CSMD1: variants seen among roughly 807,000 people sequenced by gnomAD.
CSMD1 encodes CUB and Sushi multiple domains 1, also known as CUB and sushi domain-containing protein 1.
A neutral mutation model predicts 417.5 loss-of-function variants in CSMD1; 213 were observed. That is an observed-to-expected ratio of 0.51 (90% CI 0.46 to 0.57). The LOEUF (loss-of-function observed/expected upper bound fraction) is 0.57, where lower values mean the gene tolerates loss of function less well. Ranked by LOEUF, CSMD1 falls within the 20% of genes least tolerant of loss-of-function variation. The pLI, the probability that CSMD1 is intolerant of heterozygous loss-of-function variation, is 0.00. For missense variants in CSMD1, 6,923 were observed against 4,529.7 expected (o/e 1.53, Z -15.17); for synonymous variants, 2,862 against 1,736.8 (o/e 1.65, Z -16.11).
chr8:4,017,014 T>G (rs752659574), intron 4 of CSMD1, among the ~76,000 whole-genome samples: 2 of 152,172 alleles, frequency 1.3e-5, no homozygotes, highest in African/African-American at 2.4e-5. Context: ...TAGAAGACTT[T>G]CAGAAGGAAG....
At chr8:3,492,856 T>C (rs1174216323) in intron 11 of CSMD1, among the ~76,000 whole-genome samples, 2 of 151,562 alleles carry the variant, frequency 1.3e-5, no homozygotes, top group East Asian at 2.0e-4. Context: ...TCTGTTACTT[T>C]ATTACGCAGT....
intron 5 of CSMD1, among the ~76,000 whole-genome samples, chr8:3,810,916 C>T (rs762787983): frequency 7.2e-5 from 11 of 152,154 alleles, no homozygotes; most frequent in Non-Finnish European, 1.5e-4. Flanking sequence ...AGTGCTTCCT[C>T]ATTCAGCCCT....
At chr8:3,332,652 T>C (rs1428283064) in intron 23 of CSMD1, among the ~76,000 whole-genome samples, 1 of 152,230 alleles carries the variant, frequency 6.6e-6, no homozygotes, top group Non-Finnish European at 1.5e-5. Flanking sequence ...ACTTTATGTC[T>C]TCAAGTGTGT....
At chr8:4,689,768 A>G (rs543201007) in intron 1 of CSMD1, among the ~76,000 whole-genome samples, 2 of 152,276 alleles carry the variant, frequency 1.3e-5, no homozygotes, top group South Asian at 4.1e-4. Flanking sequence ...TTCTATTAAA[A>G]TGATGGTGGT....
chr8:3,745,062 T>C (rs907489435), intron 6 of CSMD1, among the ~76,000 whole-genome samples: 12 of 152,290 alleles, frequency 7.9e-5, no homozygotes, highest in African/African-American at 2.6e-4. Flanking sequence ...TTCAACATGT[T>C]AACAACCATT....
intron 3 of CSMD1, among the ~76,000 whole-genome samples, chr8:4,176,236 C>A (rs749394600): frequency 2.6e-5 from 4 of 151,964 alleles, no homozygotes; most frequent in Non-Finnish European, 5.9e-5. Context: ...AGCTTATGTA[C>A]GTTCTTATAT....
intron 4 of CSMD1, among the ~76,000 whole-genome samples, chr8:4,027,458 G>A (rs552507113): frequency 6.6e-5 from 10 of 152,206 alleles, no homozygotes; most frequent in South Asian, 4.2e-4. Context: ...TGCTGTTCTT[G>A]TGACAGTGGG....
intron 3 of CSMD1, among the ~76,000 whole-genome samples, chr8:4,412,394 G>C (rs1320398542): frequency 6.6e-6 from 1 of 152,156 alleles, no homozygotes. Context: ...TTTGCCATGT[G>C]TTGCGCTGGC....
chr8:4,576,614 G>GTA (rs1169608872), intron 2 of CSMD1, among the ~76,000 whole-genome samples: 6 of 152,148 alleles, frequency 3.9e-5, no homozygotes, highest in East Asian at 3.9e-4. Context: ...AGCTTACTCT[G>GTA]TATATATATA....
chr8:4,050,038 T>TCTGTGGAATGTCCCTC (rs1798343055), intron 3 of CSMD1, among the ~76,000 whole-genome samples: 1 of 152,166 alleles, frequency 6.6e-6, no homozygotes, highest in African/African-American at 2.4e-5. Flanking sequence ...GGCCAGATAT[T>TCTGTGGAATGTCCCTC]CTGTGGAATG....
chr8:3,632,413 G>T (rs6997325), intron 7 of CSMD1, among the ~76,000 whole-genome samples: 21,453 of 151,996 alleles, frequency 0.14, 1,948 homozygotes, highest in African/African-American at 0.25. Flanking sequence ...CCTGGGATAT[G>T]TCCATGTTAT....
At chr8:4,293,433 TA>T (rs1340458025) in intron 3 of CSMD1, among the ~76,000 whole-genome samples, 2 of 152,210 alleles carry the variant, frequency 1.3e-5, no homozygotes, top group Admixed American at 6.6e-5. Flanking sequence ...AAAAGTGTTT[TA>T]AAAAAATTAA....
chr8:4,709,406 G>C (rs534012453), intron 1 of CSMD1, among the ~76,000 whole-genome samples: 18 of 152,280 alleles, frequency 1.2e-4, no homozygotes, highest in African/African-American at 3.8e-4. Context: ...CGAACATAAA[G>C]ACTCTTTTTA....
chr8:4,939,256 AAACT>A (rs1285058884), intron 1 of CSMD1, among the ~76,000 whole-genome samples: 66 of 152,208 alleles, frequency 4.3e-4, no homozygotes, highest in African/African-American at 1.6e-3. Context: ...ATTCCTCAAA[AAACT>A]AAAAATAGAA....
chr8:3,310,579 A>G (rs1584976409), intron 23 of CSMD1, among the ~76,000 whole-genome samples: 1 of 152,222 alleles, frequency 6.6e-6, no homozygotes, highest in African/African-American at 2.4e-5. Flanking sequence ...GGAACATACA[A>G]TTGGAAATAA....
chr8:4,727,644 T>G (rs1356804687), intron 1 of CSMD1, among the ~76,000 whole-genome samples: 1 of 152,118 alleles, frequency 6.6e-6, no homozygotes, highest in African/African-American at 2.4e-5. Flanking sequence ...GGTTCCCACT[T>G]GAAATCCACG....
At chr8:4,385,280 A>G (rs1803373609) in intron 3 of CSMD1, among the ~76,000 whole-genome samples, 1 of 152,180 alleles carries the variant, frequency 6.6e-6, no homozygotes, top group Non-Finnish European at 1.5e-5. Context: ...CAGGCTTTCA[A>G]AATACTATCT....
At chr8:3,847,439 G>C (rs1057116851) in intron 5 of CSMD1, among the ~76,000 whole-genome samples, 2 of 152,146 alleles carry the variant, frequency 1.3e-5, no homozygotes, top group African/African-American at 2.4e-5. Flanking sequence ...GCAGTGGGCA[G>C]TTTTGGGGTC....
At chr8:3,680,499 T>C (rs1406579305) in intron 7 of CSMD1, among the ~76,000 whole-genome samples, 1 of 152,136 alleles carries the variant, frequency 6.6e-6, no homozygotes, top group Non-Finnish European at 1.5e-5. Context: ...AGAAGTTGAA[T>C]CTCTGAATAG....
Sources: gnomAD v4.1 joint callset for allele counts (sites outside exome capture counted in the v4.1 genomes callset) on GRCh38, gnomAD v4.1.1 for gene constraint, MANE v1.5 for transcripts, NCBI Gene and HGNC (gene_info 2026-07-23, HGNC 2026-07-21) for gene names.